CENPF: variants seen among roughly 807,000 people sequenced by gnomAD.
The protein encoded by CENPF is centromere protein F, also known as AH antigen.
A neutral mutation model predicts 307.3 loss-of-function variants in CENPF; 214 were observed. That is an observed-to-expected ratio of 0.70 (90% CI 0.62 to 0.78). The LOEUF is 0.78. Among genes scored for constraint, CENPF ranks in the 30% least tolerant of loss-of-function variants. The pLI is 0.00. For synonymous variants in CENPF, 1,259 were observed against 1,270.6 expected, an observed-to-expected ratio of 0.99 and a Z score of 0.19; for missense variants, 3,401 against 3,483.9, an observed-to-expected ratio of 0.98 and a Z score of 0.60.
Position 214,646,522 on chromosome 1 carries a change from C to T in CENPF, c.6952C>T (p.Leu2318Phe). The T allele has an allele frequency of 6.2e-7, 1 of 1,614,092 alleles. No homozygotes were observed. The highest frequency in any genetic ancestry group is 8.5e-7 in the Non-Finnish European group (1 of 1,179,986). ...ARLEADEKKQ[L>F]CVLQQLKESE... ...CCTAGAAGCTGATGAAAAGAAGCAG[C>T]TCTGTGTCTTACAACAACTGAAGGA... Residue 2318 changes from leucine (L) to phenylalanine (F), a missense_variant, in exon 13 of 20, where the codon CTC becomes TTC. Leu to Phe is a conservative substitution (Grantham distance 22). Transcript: ENST00000366955.
At chr1:214,658,730 C>A in intron 18 of CENPF, 120 bp from the exon 19 acceptor site, 1 of 955,452 alleles carries the variant, frequency 1.0e-6, no homozygotes, top group Non-Finnish European at 1.6e-6. Flanking sequence ...ACCACAGTGG[C>A]TAGGACAAAG....
At chr1:214,614,613 G>A (rs1484444926) in intron 2 of CENPF, among the ~76,000 whole-genome samples, 1 of 152,090 alleles carries the variant, frequency 6.6e-6, no homozygotes, top group African/African-American at 2.4e-5. Flanking sequence ...CCCTTTCTAG[G>A]ATGGGTGTGT....
chr1:214,612,691 C>T (rs556088674), intron 1 of CENPF, among the ~76,000 whole-genome samples: 3 of 152,322 alleles, frequency 2.0e-5, no homozygotes, highest in East Asian at 3.9e-4. Context: ...TTTAAATATA[C>T]TTTCTTGATC....
intron 10 of CENPF, among the ~76,000 whole-genome samples, chr1:214,633,765 T>C (rs1264784502): frequency 6.6e-6 from 1 of 152,216 alleles, no homozygotes; most frequent in Non-Finnish European, 1.5e-5. Context: ...AATCAGATGA[T>C]AGTTTCATCA....
In CENPF at chr1:214,618,668, C is replaced by T; in HGVS notation, c.455C>T (p.Pro152Leu). The change falls in exon 4 of 20, where the codon CCA becomes CTA. Residue 152 changes from proline (P) to leucine (L), a missense_variant. By Grantham distance (98) the Pro-to-Leu change is moderately conservative. Transcript: ENST00000366955. ...CNTPQKIFTT[P>L]LTPSQYYSGS... ...ACACCACAAAAAATTTTTACAACTC[C>T]ACTAACACCAAGTCAATATTATAGT... is the stretch of plus-strand genomic sequence containing the variant. 6.2e-7 allele frequency: 1 copy of T among 1,613,958 alleles called. No individual in the cohort carries two copies. The highest frequency in any genetic ancestry group is 2.2e-5 in the East Asian group (1 of 44,866).
In CENPF at chr1:214,663,720, A is replaced by G. The variant is rs1658845523; in HGVS notation, c.9271A>G (p.Lys3091Glu). The G allele has an allele frequency of 1.2e-6, 2 of 1,614,116 alleles. No individual in the cohort carries two copies. The highest frequency in any genetic ancestry group is 1.7e-5 in the Admixed American group (1 of 60,012). ...TDSPREGLRV[K>E]RGRLVPSPKA... is the part of the protein sequence containing the mutation. ...CAGCCCCAGAGAGGGCCTGAGGGTC[A>G]AGCGAGGCCGACTTGTCCCCAGCCC... Residue 3091 changes from lysine to glutamate, a missense_variant, in exon 20 of 20, where the codon AAG becomes GAG. Lys to Glu is a moderately conservative substitution (Grantham distance 56). Coordinates refer to ENST00000366955, the MANE Select transcript of CENPF (RefSeq NM_016343.4).
At position 214,646,378 on chromosome 1, in the gene CENPF, GA is replaced by G; in HGVS notation, c.6809del (p.Glu2270GlyfsTer3). On this transcript the variant is annotated frameshift_variant, in exon 13 of 20. Coordinates refer to ENST00000366955, the MANE Select transcript of CENPF (RefSeq NM_016343.4). LOFTEE classifies it high-confidence loss of function. The part of the protein sequence containing the change: ...MLQNQLKELN[E>X]AVAALCGDQE... ...TCAGAATCAGTTAAAGGAGCTAAATGAGGCAGTAGCAGCCTTGTGTGGTGAC... is the reference window on the plus strand; with the variant it reads ...TCAGAATCAGTTAAAGGAGCTAAATGGGCAGTAGCAGCCTTGTGTGGTGAC... 7 of 1,614,134 alleles carry G rather than the reference GA, an allele frequency of 4.3e-6. No individual in the cohort carries two copies. The highest frequency in any genetic ancestry group is 5.9e-6 in the Non-Finnish European group (7 of 1,180,022).
At chr1:214,614,586 A>T (rs1402821650) in intron 2 of CENPF, among the ~76,000 whole-genome samples, 3 of 152,116 alleles carry the variant, frequency 2.0e-5, no homozygotes, top group Non-Finnish European at 4.4e-5. Context: ...TTAATTTTTG[A>T]AAGGATAGTA....
Position 214,633,123 on chromosome 1 carries a change from C to A in CENPF, c.1446+521C>A, listed in dbSNP as rs144406685. Among the ~76,000 whole-genome samples, 1,182 of 152,278 alleles carry A rather than the reference C, an allele frequency of 7.8e-3. 10 individuals are homozygous for A. The highest frequency in any genetic ancestry group is 0.027 in the African/African-American group (1,139 of 41,552). ...TAAAAATTCTTATAAAAACATCAAGCAATTGTCAATTATATGACTCTGGCT... is the reference window on the plus strand; with the variant it reads ...TAAAAATTCTTATAAAAACATCAAGAAATTGTCAATTATATGACTCTGGCT... On this transcript the variant is annotated intron_variant, in intron 10 of 19. Transcript: ENST00000366955.
At chr1:214,627,561 A>C (rs1657690549) in intron 7 of CENPF, among the ~76,000 whole-genome samples, 1 of 150,788 alleles carries the variant, frequency 6.6e-6, no homozygotes, top group African/African-American at 2.4e-5. Context: ...TTTTTAGTAG[A>C]GACAGGGTTT....
intron 10 of CENPF, among the ~76,000 whole-genome samples, chr1:214,634,220 C>A (rs191022139): frequency 6.6e-6 from 1 of 152,114 alleles, no homozygotes; most frequent in Non-Finnish European, 1.5e-5. Flanking sequence ...GTGTCTAGCA[C>A]CGGGCCTGGG....
chr1:214,628,121 G>T (rs1657704223), intron 7 of CENPF, among the ~76,000 whole-genome samples: 1 of 152,148 alleles, frequency 6.6e-6, no homozygotes, highest in African/African-American at 2.4e-5. Context: ...TGAGCTCTGG[G>T]CACTGTTTTA....
Position 214,645,045 on chromosome 1 carries a change from C to T in CENPF, c.5475C>T (p.Cys1825=). The part of the protein sequence containing the change: ...EVQLMTKIEA[C]IELEKIVGEL... ...AACTAATGACCAAAATTGAAGCATGCATAGAATTGGAAAAAATAGTTGGGG... is the reference window on the plus strand; with the variant it reads ...AACTAATGACCAAAATTGAAGCATGTATAGAATTGGAAAAAATAGTTGGGG... Residue 1825 remains cysteine (C), a synonymous_variant, in exon 13 of 20, where the codon TGC becomes TGT. Coordinates refer to ENST00000366955, the MANE Select transcript of CENPF (RefSeq NM_016343.4). The T allele has an allele frequency of 6.2e-7, 1 of 1,613,670 alleles. No homozygotes were observed. The highest frequency in any genetic ancestry group is 8.5e-7 in the Non-Finnish European group (1 of 1,179,912).
intron 7 of CENPF, among the ~76,000 whole-genome samples, chr1:214,627,122 G>T (rs1657675802): frequency 6.6e-6 from 1 of 151,996 alleles, no homozygotes; most frequent in Admixed American, 6.6e-5. Context: ...AGGCTGGAGT[G>T]CAGTGAAGTG....
At chr1:214,656,125 A>G (rs1026364453) in intron 17 of CENPF, among the ~76,000 whole-genome samples, 2 of 152,150 alleles carry the variant, frequency 1.3e-5, no homozygotes, top group Non-Finnish European at 2.9e-5. Flanking sequence ...GGAACGGGTG[A>G]GGGTGGGAGG....
At chr1:214,608,255 C>T in intron 1 of CENPF, 1 of 1,508,178 alleles carries the variant, frequency 6.6e-7, no homozygotes, top group Non-Finnish European at 8.9e-7. Flanking sequence ...CCCCCCGGCC[C>T]CCGGCCTGGT....
Position 214,642,064 on chromosome 1 carries a change from A to G in CENPF, c.3726A>G (p.Arg1242=), listed in dbSNP as rs551145011. Residue 1242 remains arginine (R), a synonymous_variant, in exon 12 of 20, where the codon AGA becomes AGG. Transcript: ENST00000366955. ...TGCAGCATGAATTACAGACAATTAG[A>G]GGAGATCTTGAAACCAGCAATTTGC... ...ECLQHELQTI[R]GDLETSNLQD... is the part of the protein sequence containing the mutation. The G allele has an allele frequency of 1.9e-6, 3 of 1,611,288 alleles. No individual in the cohort carries two copies. The highest frequency in any genetic ancestry group is 2.5e-6 in the Non-Finnish European group (3 of 1,179,262).
chr1:214,640,854 TAG>T lies in CENPF; in HGVS notation c.2519_2520del (p.Glu840ValfsTer14), dbSNP rs1658091555. 6.3e-7 allele frequency: 1 copy of T among 1,599,072 alleles called. No homozygotes were observed. The highest frequency in any genetic ancestry group is 8.5e-7 in the Non-Finnish European group (1 of 1,175,394). The stretch of plus-strand genomic sequence containing the variant: ...AGAGTTGATTCACTTGAATTTTCAT[TAG>T]AGTCTCAAAAACAGATGAACTCAGA... On this transcript the variant is annotated frameshift_variant, in exon 12 of 20. Coordinates refer to ENST00000366955, the MANE Select transcript of CENPF (RefSeq NM_016343.4). LOFTEE classifies it high-confidence loss of function.
rs142125418 is a variant in CENPF at position 214,644,615 on chromosome 1, C to T, written c.5045C>T (p.Thr1682Ile). ...DISKEHTSET[T>I]ERTPKHDVHQ... Reference sequence around the variant, plus strand: ...TCAAAAGAACATACTTCAGAAACTACAGAAAGAACACCAAAGCATGATGTT... The same window carrying T: ...TCAAAAGAACATACTTCAGAAACTATAGAAAGAACACCAAAGCATGATGTT... Residue 1682 changes from threonine (T) to isoleucine (I), a missense_variant, in exon 13 of 20, where the codon ACA becomes ATA. Transcript: ENST00000366955. The T allele has an allele frequency of 2.3e-4, 368 of 1,613,366 alleles. No individual in the cohort carries two copies. Among genetic ancestry groups the T allele is most frequent in the Non-Finnish European group, 3.0e-4 (350 of 1,179,752 alleles).
Sources: allele counts gnomAD v4.1 joint callset (sites outside exome capture counted in the v4.1 genomes callset), GRCh38; gene constraint gnomAD v4.1.1; transcripts MANE v1.5; gene names NCBI Gene and HGNC (gene_info 2026-07-23, HGNC 2026-07-21).